The following CDH18 variants were observed in gnomAD, a reference collection of about 807,000 sequenced individuals.
CDH18 encodes cadherin-18.
In CDH18, 31 loss-of-function variants were observed where a neutral mutation model predicts 67.9. That is an observed-to-expected ratio of 0.46 (90% confidence interval 0.34 to 0.62). The LOEUF (loss-of-function observed/expected upper bound fraction) is 0.62, where lower values mean the gene tolerates loss of function less well. CDH18 is among the 20% of genes least tolerant of loss of function. CDH18 has a pLI of 0.01. For missense variants in CDH18, 890 were observed against 975.5 expected, an observed-to-expected ratio of 0.91 and a Z score of 1.17; for synonymous variants, 362 against 347.2, an observed-to-expected ratio of 1.04 and a Z score of -0.48.
intron 2 of CDH18, among the ~76,000 whole-genome samples, chr5:20,117,238 A>G (rs1747999181): frequency 6.6e-6 from 1 of 152,182 alleles, no homozygotes. Context: ...AAGTACATAA[A>G]TGTATTCATA....
intron 2 of CDH18, among the ~76,000 whole-genome samples, chr5:19,997,964 T>A (rs555210063): frequency 6.6e-6 from 1 of 152,236 alleles, no homozygotes; most frequent in East Asian, 1.9e-4. Context: ...AAGATGTTCA[T>A]AAAACCTTGT....
At chr5:19,517,655 G>A (rs1212482019) in intron 10 of CDH18, among the ~76,000 whole-genome samples, 1 of 151,990 alleles carries the variant, frequency 6.6e-6, no homozygotes, top group African/African-American at 2.4e-5. Flanking sequence ...AGTATGCTTG[G>A]TGGTTTTGTT....
chr5:19,981,507 C>A (rs796458179), intron 1 of CDH18, among the ~76,000 whole-genome samples: 1 of 152,140 alleles, frequency 6.6e-6, no homozygotes, highest in African/African-American at 2.4e-5. Flanking sequence ...GGCTTTCTTG[C>A]TGGGTCTTCA....
intron 1 of CDH18, among the ~76,000 whole-genome samples, chr5:20,316,232 T>C (rs1044334066): frequency 2.6e-5 from 4 of 152,090 alleles, no homozygotes; most frequent in African/African-American, 7.2e-5. Context: ...TATTGTATGA[T>C]TGTGATGTGA....
chr5:19,621,436 T>C (rs1428549796), intron 5 of CDH18, among the ~76,000 whole-genome samples: 4 of 152,072 alleles, frequency 2.6e-5, no homozygotes, highest in Non-Finnish European at 5.9e-5. Flanking sequence ...ATGACTAGTG[T>C]TGTTGATTAT....
chr5:19,692,662 A>G (rs1762051591), intron 5 of CDH18, among the ~76,000 whole-genome samples: 1 of 152,022 alleles, frequency 6.6e-6, no homozygotes, highest in Admixed American at 6.6e-5. Flanking sequence ...GGGAAATACA[A>G]ATCAAAATGA....
At chr5:19,879,050 T>C (rs1228847420) in intron 2 of CDH18, among the ~76,000 whole-genome samples, 1 of 151,918 alleles carries the variant, frequency 6.6e-6, no homozygotes, top group Admixed American at 6.6e-5. Flanking sequence ...AAAATATAAA[T>C]TATATAATTT....
intron 1 of CDH18, among the ~76,000 whole-genome samples, chr5:20,295,455 A>C (rs1471388872): frequency 6.6e-6 from 1 of 152,186 alleles, no homozygotes; most frequent in Non-Finnish European, 1.5e-5. Flanking sequence ...GAGGCCAGGC[A>C]CAGTGGCTCA....
chr5:20,523,994 G>A (rs546915463), intron 1 of CDH18, among the ~76,000 whole-genome samples: 15 of 152,324 alleles, frequency 9.8e-5, no homozygotes, highest in African/African-American at 3.4e-4. Context: ...GTAAATTTAT[G>A]TAGTTTTAGT....
chr5:20,001,000 T>C (rs539877309), intron 2 of CDH18, among the ~76,000 whole-genome samples: 41 of 152,282 alleles, frequency 2.7e-4, no homozygotes, highest in Non-Finnish European at 4.1e-4. Context: ...AAAGTCAAAA[T>C]GTGGCAACTC....
At chr5:19,927,053 C>T (rs913051926) in intron 2 of CDH18, among the ~76,000 whole-genome samples, 3 of 152,020 alleles carry the variant, frequency 2.0e-5, no homozygotes, top group African/African-American at 2.4e-5. Flanking sequence ...TTGACAGTGT[C>T]GAGAATTTTT....
intron 1 of CDH18, among the ~76,000 whole-genome samples, chr5:20,442,515 C>T (rs375023275): frequency 2.0e-5 from 3 of 151,844 alleles, no homozygotes; most frequent in Non-Finnish European, 4.4e-5. Context: ...AAGTGGTGCG[C>T]TAATGGCAGT....
intron 5 of CDH18, among the ~76,000 whole-genome samples, chr5:19,669,478 A>G (rs1027880674): frequency 2.0e-5 from 3 of 151,838 alleles, no homozygotes; most frequent in South Asian, 4.2e-4. Context: ...CTTAGCAGAG[A>G]CGGGGTTTCT....
intron 1 of CDH18, among the ~76,000 whole-genome samples, chr5:20,417,133 T>C (rs1247646221): frequency 6.6e-6 from 1 of 152,162 alleles, no homozygotes; most frequent in Non-Finnish European, 1.5e-5. Flanking sequence ...TAGAAATATG[T>C]ATTAATGAAT....
chr5:19,524,753 C>G (rs1389079157), intron 9 of CDH18, among the ~76,000 whole-genome samples: 1 of 151,872 alleles, frequency 6.6e-6, no homozygotes, highest in Non-Finnish European at 1.5e-5. Context: ...ACTCTCTGCT[C>G]TTTTTTTTCT....
chr5:20,269,823 G>A (rs1745305279), intron 1 of CDH18, among the ~76,000 whole-genome samples: 1 of 151,830 alleles, frequency 6.6e-6, no homozygotes, highest in South Asian at 2.1e-4. Context: ...TGACCACTAG[G>A]GAATCTATGA....
intron 2 of CDH18, among the ~76,000 whole-genome samples, chr5:20,083,422 A>C (rs1164162670): frequency 6.6e-6 from 1 of 152,056 alleles, no homozygotes; most frequent in Non-Finnish European, 1.5e-5. Flanking sequence ...AACAAATTGC[A>C]GAGTTGTGGC....
At chr5:19,507,490 G>T (rs1319332246) in intron 10 of CDH18, among the ~76,000 whole-genome samples, 3 of 152,090 alleles carry the variant, frequency 2.0e-5, no homozygotes, top group African/African-American at 7.2e-5. Flanking sequence ...CAATAGCAAA[G>T]ACTTGGAACC....
At chr5:19,715,233 C>CA (rs1456096975) in intron 5 of CDH18, among the ~76,000 whole-genome samples, 1 of 151,882 alleles carries the variant, frequency 6.6e-6, no homozygotes, top group African/African-American at 2.4e-5. Flanking sequence ...AATAGAGAAC[C>CA]AAAAAATGTT....
Sources: allele counts gnomAD v4.1 joint callset (sites outside exome capture counted in the v4.1 genomes callset), GRCh38; gene constraint gnomAD v4.1.1; transcripts MANE v1.5; gene names NCBI Gene and HGNC (gene_info 2026-07-23, HGNC 2026-07-21).